Variants in PTGFRN observed in about 807,000 individuals in gnomAD.
PTGFRN encodes the protein prostaglandin F2 receptor inhibitor.
A neutral mutation model predicts 83.2 loss-of-function variants in PTGFRN; 35 were observed. That is an observed-to-expected ratio of 0.42 (90% CI 0.32 to 0.56). PTGFRN has a LOEUF of 0.56. Ranked by LOEUF, PTGFRN falls within the 20% of genes least tolerant of loss-of-function variation. The probability of loss-of-function intolerance (pLI) is 0.11; values close to 1 mark genes in which losing one functional copy is unlikely to be tolerated. For missense variants in PTGFRN, 1,051 were observed against 1,179.5 expected (o/e 0.89, Z 1.60); for synonymous variants, 519 against 498.6 (o/e 1.04, Z -0.55).
chr1:116,919,852 G>A (rs1307280622), intron 1 of PTGFRN, among the ~76,000 whole-genome samples: 1 of 152,254 alleles, frequency 6.6e-6, no homozygotes, highest in Non-Finnish European at 1.5e-5. Flanking sequence ...CAAGACAGGA[G>A]GCTTGGATTT....
intron 5 of PTGFRN, 30 bp from the exon 6 acceptor site, chr1:116,966,881 A>G (rs1650851339): frequency 1.0e-5 from 16 of 1,547,898 alleles, no homozygotes; most frequent in Non-Finnish European, 1.3e-5. Context: ...ATCTTGTTGG[A>G]AATCACATCC....
chr1:116,967,051 G>A lies in PTGFRN; in HGVS notation c.1780G>A (p.Gly594Ser), dbSNP rs758448556. 11 of 1,614,150 alleles carry A rather than the reference G, an allele frequency of 6.8e-6. No individual in the cohort carries two copies. Among genetic ancestry groups the A allele is most frequent in the South Asian group, 5.5e-5 (5 of 91,074 alleles). The change falls in exon 6 of 9, where the codon GGC becomes AGC. Residue 594 changes from glycine (G) to serine (S), a missense_variant. Gly to Ser is a moderately conservative substitution (Grantham distance 56, BLOSUM62 0). This residue lies in a region of PTGFRN where 719 missense variants were observed against 836.6 expected (regional missense o/e 0.86). Coordinates refer to ENST00000393203, the MANE Select transcript of PTGFRN (RefSeq NM_020440.4). Reference sequence around the variant, plus strand: ...TCTCATCATGGCTGAGAAGCCTGTCGGCGACCTCTCCAGTCCCAATGAAAC... The same window carrying A: ...TCTCATCATGGCTGAGAAGCCTGTCAGCGACCTCTCCAGTCCCAATGAAAC... ...SVLIMAEKPV[G>S]DLSSPNETKY...
chr1:116,940,542 CAAGG>C (rs1650034733), intron 1 of PTGFRN, among the ~76,000 whole-genome samples: 1 of 152,132 alleles, frequency 6.6e-6, no homozygotes, highest in Non-Finnish European at 1.5e-5. Flanking sequence ...AGAACTTCCA[CAAGG>C]AATTTTGGAT....
intron 1 of PTGFRN, among the ~76,000 whole-genome samples, chr1:116,939,642 C>T (rs1650014300): frequency 6.6e-6 from 1 of 152,208 alleles, no homozygotes. Context: ...TAACATTAGG[C>T]TCCTCATTAC....
At chr1:116,969,931 A>C (rs929117488) in intron 6 of PTGFRN, among the ~76,000 whole-genome samples, 6 of 152,134 alleles carry the variant, frequency 3.9e-5, no homozygotes, top group African/African-American at 1.4e-4. Context: ...TGGGTTTTGT[A>C]TATTGATCTT....
intron 1 of PTGFRN, among the ~76,000 whole-genome samples, chr1:116,922,180 C>T (rs1649552695): frequency 6.6e-6 from 1 of 152,122 alleles, no homozygotes; most frequent in South Asian, 2.1e-4. Context: ...TCCGCTGGAG[C>T]TTACAGGAAG....
At position 116,988,830 on chromosome 1, in the gene PTGFRN, G is replaced by C. The variant is rs867247480; in HGVS notation, c.*1863G>C. On this transcript the variant is annotated 3_prime_UTR_variant, in exon 9 of 9. Coordinates refer to ENST00000393203, the MANE Select transcript of PTGFRN (RefSeq NM_020440.4). ...CCTTGGCCCGGGCCTGTGGTGGGAA[G>C]ACGGGCAACAAGTATACCCCACCAG... 1.3e-5 allele frequency: 2 copies of C among 152,598 alleles called. No homozygotes were observed. Among genetic ancestry groups the C allele is most frequent in the Non-Finnish European group, 2.9e-5 (2 of 68,038 alleles). The allele number at this position is 152,598 out of a possible 1,614,324, so 9.5% of individuals were successfully genotyped here.
At chr1:116,970,553 G>A (rs2101082597) in intron 6 of PTGFRN, among the ~76,000 whole-genome samples, 1 of 152,292 alleles carries the variant, frequency 6.6e-6, no homozygotes, top group Middle Eastern at 3.4e-3. Context: ...GGTGAGGAAT[G>A]GATGTTGAGT....
At position 116,989,836 on chromosome 1, in the gene PTGFRN, C is replaced by T. The variant is rs1651662205; in HGVS notation, c.*2869C>T. 1 of 152,574 alleles carries T rather than the reference C, an allele frequency of 6.6e-6. No homozygotes were observed. Among genetic ancestry groups the T allele is most frequent in the African/African-American group, 2.4e-5 (1 of 41,424 alleles). 9.5% of individuals were successfully genotyped at this position (152,574 alleles called of 1,614,324 possible). Reference sequence around the variant, plus strand: ...TTTATTTGAGTGTCTTTCCCCCCCTCACCCTCACCATCTGAGGGGCTCCCT... The same window carrying T: ...TTTATTTGAGTGTCTTTCCCCCCCTTACCCTCACCATCTGAGGGGCTCCCT... On this transcript the variant is annotated 3_prime_UTR_variant, in exon 9 of 9. Coordinates refer to ENST00000393203, the MANE Select transcript of PTGFRN (RefSeq NM_020440.4).
In PTGFRN at chr1:116,910,149, A is replaced by C. The variant is rs1017330486; in HGVS notation, c.-55A>C. 2.0e-6 allele frequency: 3 copies of C among 1,504,362 alleles called. No individual in the cohort carries two copies. The highest frequency in any genetic ancestry group is 2.9e-5 in the African/African-American group (2 of 69,958). The allele number at this position is 1,504,362 out of a possible 1,614,324, so 93.2% of individuals were successfully genotyped here. A position where few individuals can be genotyped will look rare whatever the true frequency, so the allele number is the denominator to read the frequency against. ...CAGCCGGAGCTGGAAGAGGAGGAGGAGGAGAGGCGGCGGGGAAGGAGGAGG... is the reference window on the plus strand; with the variant it reads ...CAGCCGGAGCTGGAAGAGGAGGAGGCGGAGAGGCGGCGGGGAAGGAGGAGG... On this transcript the variant is annotated 5_prime_UTR_variant, in exon 1 of 9. Transcript: ENST00000393203.
At chr1:116,934,347 A>G (rs1042159925) in intron 1 of PTGFRN, among the ~76,000 whole-genome samples, 13 of 151,510 alleles carry the variant, frequency 8.6e-5, no homozygotes, top group Admixed American at 5.3e-4. Flanking sequence ...GGGTCTCACT[A>G]TGTTGCCCAG....
At chr1:116,939,415 G>A (rs1650008226) in intron 1 of PTGFRN, among the ~76,000 whole-genome samples, 1 of 152,258 alleles carries the variant, frequency 6.6e-6, no homozygotes, top group South Asian at 2.1e-4. Context: ...CAGCTGCCAA[G>A]GCTTGGGGCT....
rs1249455114 is a variant in PTGFRN, at chr1:116,984,828, T to C, written c.2316T>C (p.Ser772=). 3.1e-6 allele frequency: 5 copies of C among 1,613,758 alleles called. No individual in the cohort carries two copies. The African/African-American group carries it at 4.0e-5, about 13-fold the overall frequency. Residue 772 remains serine, a synonymous_variant, in exon 8 of 9, where the codon AGT becomes AGC. Coordinates refer to ENST00000393203, the MANE Select transcript of PTGFRN (RefSeq NM_020440.4). ...GCGACCTCAGCCTGGAGCGCGTGAG[T>C]GTGCTGGAATTCTTGCTGCAAGTGC... ...WKSDLSLERV[S]VLEFLLQVHG...
intron 7 of PTGFRN, among the ~76,000 whole-genome samples, chr1:116,977,287 C>T (rs1041463197): frequency 6.6e-6 from 1 of 152,056 alleles, no homozygotes; most frequent in African/African-American, 2.4e-5. Context: ...ACTTTAACAC[C>T]CCACTGTCAG....
At chr1:116,928,207 G>A (rs936553476) in intron 1 of PTGFRN, among the ~76,000 whole-genome samples, 27 of 152,220 alleles carry the variant, frequency 1.8e-4, no homozygotes, top group African/African-American at 6.0e-4. Flanking sequence ...AGATTTAATG[G>A]CCACACCTGG....
intron 7 of PTGFRN, among the ~76,000 whole-genome samples, chr1:116,975,250 C>G (rs550507520): frequency 6.6e-6 from 1 of 152,350 alleles, no homozygotes; most frequent in South Asian, 2.1e-4. Context: ...GTGGAGCCCA[C>G]TGCAGCTCAA....
At position 116,967,024 on chromosome 1, in the gene PTGFRN, G is replaced by C. The variant is rs889854936; in HGVS notation, c.1753G>C (p.Val585Leu). 9.9e-6 allele frequency: 16 copies of C among 1,614,072 alleles called. No individual in the cohort carries two copies. The highest frequency in any genetic ancestry group is 1.4e-5 in the Non-Finnish European group (16 of 1,180,042). The change falls in exon 6 of 9, where the codon GTT (valine) becomes CTT (leucine). Residue 585 changes from valine (V) to leucine (L), a missense_variant. By Grantham distance (32) the Val-to-Leu change is conservative. Coordinates refer to ENST00000393203, the MANE Select transcript of PTGFRN (RefSeq NM_020440.4). ...SKNIKSPRYSVLIMAEKPVGD... is the reference protein window; with the variant it reads ...SKNIKSPRYSLLIMAEKPVGD... Reference sequence around the variant, plus strand: ...GAATATTAAGTCGCCACGCTACTCTGTTCTCATCATGGCTGAGAAGCCTGT... The same window carrying C: ...GAATATTAAGTCGCCACGCTACTCTCTTCTCATCATGGCTGAGAAGCCTGT...
intron 5 of PTGFRN, among the ~76,000 whole-genome samples, chr1:116,963,117 C>A (rs933029383): frequency 7.9e-5 from 12 of 152,238 alleles, no homozygotes; most frequent in African/African-American, 2.7e-4. Context: ...GCCTCCCTAC[C>A]TGTGCCCACA....
chr1:116,957,588 A>T (rs1473160356), intron 4 of PTGFRN, among the ~76,000 whole-genome samples: 1 of 152,190 alleles, frequency 6.6e-6, no homozygotes, highest in Admixed American at 6.5e-5. Context: ...GCTAATTAAC[A>T]TATCCATTAC....
Sources: gnomAD v4.1 joint callset for allele counts (sites outside exome capture counted in the v4.1 genomes callset) on GRCh38, gnomAD v4.1.1 for gene constraint, gnomAD v4.1.1 regional missense constraint, MANE v1.5 for transcripts, NCBI Gene and HGNC (gene_info 2026-07-23, HGNC 2026-07-21) for gene names.